PLCL2: variants seen among roughly 807,000 people sequenced by gnomAD.
PLCL2 encodes the protein inactive phospholipase C-like protein 2.
In PLCL2, 4 loss-of-function variants were observed where a neutral mutation model predicts 79.6. That is an observed-to-expected ratio of 0.05 (90% CI 0.02 to 0.11). The LOEUF (loss-of-function observed/expected upper bound fraction) is 0.11. Among genes scored for constraint, PLCL2 ranks in the 10% least tolerant of loss-of-function variants. PLCL2 has a pLI of 1.00. For synonymous variants in PLCL2, 484 were observed against 457.7 expected (o/e 1.06, Z -0.73); for missense variants, 895 against 1,291.0 (o/e 0.69, Z 4.70).
chr3:16,989,034 T>C (rs1424291771), intron 1 of PLCL2, among the ~76,000 whole-genome samples: 1 of 152,088 alleles, frequency 6.6e-6, no homozygotes, highest in East Asian at 1.9e-4. Context: ...TCTCTCACTT[T>C]TTTGAGAACA....
chr3:16,927,860 C>T (rs923815338), intron 1 of PLCL2, among the ~76,000 whole-genome samples: 5 of 152,140 alleles, frequency 3.3e-5, no homozygotes, highest in Non-Finnish European at 7.3e-5. Flanking sequence ...TTTGGGAAAC[C>T]CTTATTTAGA....
At chr3:16,984,425 G>C (rs1049498419) in intron 1 of PLCL2, among the ~76,000 whole-genome samples, 1 of 152,022 alleles carries the variant, frequency 6.6e-6, no homozygotes. Flanking sequence ...GTGTTTCTTT[G>C]ATTAAAAGAC....
chr3:17,077,547 A>G (rs965410771), intron 5 of PLCL2, among the ~76,000 whole-genome samples: 8 of 152,204 alleles, frequency 5.3e-5, no homozygotes, highest in Admixed American at 1.3e-4. Context: ...TGCATTTTCA[A>G]TCCACCAGCT....
intron 1 of PLCL2, among the ~76,000 whole-genome samples, chr3:16,909,523 A>G (rs1435933696): frequency 1.3e-5 from 2 of 152,178 alleles, no homozygotes; most frequent in African/African-American, 2.4e-5. Flanking sequence ...ATATTTCAGG[A>G]TCATTGATTT....
intron 1 of PLCL2, among the ~76,000 whole-genome samples, chr3:16,958,405 T>C (rs1047297858): frequency 6.6e-6 from 1 of 152,196 alleles, no homozygotes; most frequent in African/African-American, 2.4e-5. Flanking sequence ...TATCTGAAAA[T>C]GCATTTGATG....
chr3:16,961,657 G>C (rs1213912523), intron 1 of PLCL2, among the ~76,000 whole-genome samples: 1 of 152,186 alleles, frequency 6.6e-6, no homozygotes, highest in Non-Finnish European at 1.5e-5. Flanking sequence ...TTTCCAACCA[G>C]AATGGGACGC....
intron 4 of PLCL2, among the ~76,000 whole-genome samples, chr3:17,052,255 TG>T (rs141703393): frequency 8.2e-4 from 104 of 126,434 alleles, no homozygotes; most frequent in East Asian, 5.0e-3. Context: ...AAAAAAAAAT[TG>T]GGGGGGGGTG....
In PLCL2 at chr3:17,031,692, A is replaced by G. The variant is rs550868011; in HGVS notation, c.3019-11182A>G. ...TCATGTACAAAATGATGTATAGCAT[A>G]CCAAGTTCTCCCCTAACAAGACTTC... On this transcript the variant is annotated intron_variant, in intron 3 of 5. Transcript: ENST00000615277. Among the ~76,000 whole-genome samples, 7 of 152,318 alleles carry G rather than the reference A, an allele frequency of 4.6e-5. No homozygotes were observed. In the South Asian group the frequency reaches 1.4e-3, roughly 32 times the overall value.
At chr3:16,939,954 A>G (rs2124949471) in intron 1 of PLCL2, among the ~76,000 whole-genome samples, 1 of 152,322 alleles carries the variant, frequency 6.6e-6, no homozygotes, top group Non-Finnish European at 1.5e-5. Context: ...CTGAGGGCTT[A>G]GGGTCTAAAG....
chr3:17,054,015 C>T (rs916821635), intron 4 of PLCL2, among the ~76,000 whole-genome samples: 11 of 152,180 alleles, frequency 7.2e-5, no homozygotes, highest in Admixed American at 7.2e-4. Flanking sequence ...GCAAATTTTT[C>T]CAACTTTTAT....
At chr3:17,007,970 C>G (rs539124202) in intron 1 of PLCL2, among the ~76,000 whole-genome samples, 4 of 152,208 alleles carry the variant, frequency 2.6e-5, no homozygotes, top group East Asian at 3.9e-4. Flanking sequence ...TTTGAGCACT[C>G]TTTTCAAATA....
In PLCL2 at chr3:16,912,150, C is replaced by T. The variant is rs115090039; in HGVS notation, c.327+26784C>T. ...GGATGCCTTGCCTCATAGTCACCCT[C>T]CCCAGTGGTTTAATGCAACCATTAA... On this transcript the variant is annotated intron_variant, in intron 1 of 5. Coordinates refer to ENST00000615277, the MANE Select transcript of PLCL2 (RefSeq NM_001144382.2). 7.5e-3 allele frequency among the ~76,000 whole-genome samples: 1,145 copies of T among 152,224 alleles called. 10 individuals carry two copies. The highest frequency in any genetic ancestry group is 0.012 in the Non-Finnish European group (790 of 68,014).
At chr3:17,014,608 A>T in intron 2 of PLCL2, 100 bp from the exon 3 acceptor site, 3 of 903,232 alleles carry the variant, frequency 3.3e-6, no homozygotes, top group Non-Finnish European at 5.4e-6. Flanking sequence ...TAACTTTTGT[A>T]CCAGGTGGTT....
At chr3:17,069,215 G>A (rs181190525) in intron 5 of PLCL2, among the ~76,000 whole-genome samples, 278 of 152,286 alleles carry the variant, frequency 1.8e-3, no homozygotes, top group African/African-American at 6.3e-3. Context: ...TTGAGGGGTA[G>A]TAAATGAATT....
At chr3:17,058,399 G>A (rs1257096293) in intron 4 of PLCL2, among the ~76,000 whole-genome samples, 2 of 152,152 alleles carry the variant, frequency 1.3e-5, no homozygotes, top group African/African-American at 2.4e-5. Flanking sequence ...ACATTCTGAA[G>A]GTTGTGCTAA....
chr3:16,962,093 T>G (rs967046888), intron 1 of PLCL2, among the ~76,000 whole-genome samples: 3 of 151,922 alleles, frequency 2.0e-5, no homozygotes, highest in Non-Finnish European at 2.9e-5. Flanking sequence ...CGCCCAGGAG[T>G]AGGTCAGAAT....
intron 1 of PLCL2, among the ~76,000 whole-genome samples, chr3:16,941,484 G>A (rs974684401): frequency 2.6e-5 from 4 of 152,112 alleles, no homozygotes; most frequent in East Asian, 1.9e-4. Context: ...CAGTCACGAC[G>A]CCCCTGTCTA....
At chr3:17,007,007 A>G (rs1041025187) in intron 1 of PLCL2, among the ~76,000 whole-genome samples, 4 of 152,358 alleles carry the variant, frequency 2.6e-5, no homozygotes, top group African/African-American at 9.6e-5. Context: ...AAAATACTAT[A>G]TATTTCTTAA....
intron 1 of PLCL2, among the ~76,000 whole-genome samples, chr3:17,002,860 T>C (rs570851124): frequency 2.9e-4 from 44 of 152,308 alleles, no homozygotes; most frequent in Non-Finnish European, 5.3e-4. Context: ...CAGATTCTTT[T>C]CTTGACTGTA....
Sources: allele counts gnomAD v4.1 joint callset (sites outside exome capture counted in the v4.1 genomes callset), GRCh38; gene constraint gnomAD v4.1.1; transcripts MANE v1.5; gene names NCBI Gene and HGNC (gene_info 2026-07-23, HGNC 2026-07-21).